The following BANK1 variants were observed in gnomAD, a reference collection of about 807,000 sequenced individuals.
BANK1 encodes the protein B-cell scaffold protein with ankyrin repeats.
Under a neutral mutation model 94.5 loss-of-function variants are expected in BANK1, and 95 were observed. The observed-to-expected ratio is 1.00, with a 90% CI of 0.85 to 1.19. The LOEUF is 1.19. Ranked by LOEUF, BANK1 falls within the 50% of genes most tolerant of loss-of-function variation. BANK1 has a pLI of 0.00. For missense variants in BANK1, 987 were observed against 932.2 expected, an observed-to-expected ratio of 1.06 and a Z score of -0.77; for synonymous variants, 334 against 308.4, an observed-to-expected ratio of 1.08 and a Z score of -0.87.
chr4:101,840,983 C>T lies in BANK1; in HGVS notation c.469+10777C>T, dbSNP rs114802946. On this transcript the variant is annotated intron_variant, in intron 2 of 16. Coordinates refer to ENST00000322953, the MANE Select transcript of BANK1 (RefSeq NM_017935.5). ...CTAGGACCACAGGCATGCGCCGTCACGCCCAGCTAATTTTTTTATTTTTAG... is the reference window on the plus strand; with the variant it reads ...CTAGGACCACAGGCATGCGCCGTCATGCCCAGCTAATTTTTTTATTTTTAG... Among the ~76,000 whole-genome samples, 1,000 of 152,270 alleles carry T rather than the reference C, an allele frequency of 6.6e-3. 16 individuals carry two copies. The highest frequency in any genetic ancestry group is 0.023 in the African/African-American group (946 of 41,546).
chr4:101,972,395 A>G (rs1455218165), intron 7 of BANK1: 2 of 152,054 alleles, frequency 1.3e-5, no homozygotes, highest in South Asian at 2.1e-4. Flanking sequence ...ACTTTACTGT[A>G]TTTGTTTATT....
intron 7 of BANK1, among the ~76,000 whole-genome samples, chr4:101,947,536 T>C (rs1016485111): frequency 3.3e-5 from 5 of 151,590 alleles, no homozygotes; most frequent in Non-Finnish European, 5.9e-5. Flanking sequence ...TCTAATTTAC[T>C]AGATCTCCAG....
intron 2 of BANK1, among the ~76,000 whole-genome samples, chr4:101,843,317 G>T (rs978825524): frequency 1.3e-5 from 2 of 151,958 alleles, no homozygotes; most frequent in South Asian, 2.1e-4. Context: ...ATTCAATGAC[G>T]TAAAATGGTG....
At position 101,872,998 on chromosome 4, in the gene BANK1, G is replaced by GA. The variant is rs992235435; in HGVS notation, c.903+2367dup. ...ATAAGTCTCTGTCTCAAAAACTAAAGAAAAAAAAAAAAAGAAAAGTAAAAA... is the reference window on the plus strand; with the variant it reads ...ATAAGTCTCTGTCTCAAAAACTAAAGAAAAAAAAAAAAAAGAAAAGTAAAAA... On this transcript the variant is annotated intron_variant, in intron 5 of 16. Transcript: ENST00000322953. Among the ~76,000 whole-genome samples, 476 of 106,424 alleles carry GA rather than the reference G, an allele frequency of 4.5e-3. 7 individuals are homozygous for GA. Among genetic ancestry groups the GA allele is most frequent in the African/African-American group, 0.011 (332 of 29,916 alleles). The allele number at this position is 106,424 out of a possible 152,430, so 69.8% of individuals were successfully genotyped here. A position where few individuals can be genotyped will look rare whatever the true frequency, so the allele number is the denominator to read the frequency against.
At chr4:101,901,939 T>C (rs576448748) in intron 6 of BANK1, among the ~76,000 whole-genome samples, 5 of 152,158 alleles carry the variant, frequency 3.3e-5, no homozygotes, top group Admixed American at 2.6e-4. Context: ...TTTTTGTATT[T>C]TTAGTAGAGA....
chr4:102,005,461 A>C (rs1232974442), intron 7 of BANK1, among the ~76,000 whole-genome samples: 2 of 152,104 alleles, frequency 1.3e-5, no homozygotes, highest in African/African-American at 4.8e-5. Context: ...CTAGCAGAAA[A>C]GAGAGATGTA....
At chr4:101,975,576 G>T (rs537417721) in intron 7 of BANK1, among the ~76,000 whole-genome samples, 9 of 152,132 alleles carry the variant, frequency 5.9e-5, no homozygotes, top group Non-Finnish European at 1.0e-4. Context: ...CTGTAAAATG[G>T]CAGTGCTAAT....
intron 7 of BANK1, among the ~76,000 whole-genome samples, chr4:101,927,486 CAAG>C (rs1723203088): frequency 6.6e-6 from 1 of 151,488 alleles, no homozygotes; most frequent in South Asian, 2.1e-4. Flanking sequence ...CCATACAGGG[CAAG>C]AAGGACAGAT....
intron 7 of BANK1, among the ~76,000 whole-genome samples, chr4:101,962,388 C>A (rs1346388404): frequency 6.6e-6 from 1 of 152,150 alleles, no homozygotes; most frequent in African/African-American, 2.4e-5. Flanking sequence ...TATTTCTTTT[C>A]TGTTTTCCCT....
At chr4:101,970,199 G>C (rs530209699) in intron 7 of BANK1, among the ~76,000 whole-genome samples, 1 of 152,234 alleles carries the variant, frequency 6.6e-6, no homozygotes, top group South Asian at 2.1e-4. Flanking sequence ...CCAGAGGACT[G>C]TTGTGAAGAT....
chr4:101,911,753 T>A (rs1387923197), intron 6 of BANK1, among the ~76,000 whole-genome samples: 1 of 152,194 alleles, frequency 6.6e-6, no homozygotes, highest in Non-Finnish European at 1.5e-5. Context: ...TTTGTTCTTC[T>A]TATTCATGGC....
intron 7 of BANK1, among the ~76,000 whole-genome samples, chr4:101,924,248 G>A (rs1193808103): frequency 6.6e-6 from 1 of 151,762 alleles, no homozygotes; most frequent in African/African-American, 2.4e-5. Context: ...CAGTGTGTGA[G>A]ACTGCTTAAA....
chr4:101,877,730 C>T (rs1728541849), intron 5 of BANK1, among the ~76,000 whole-genome samples: 1 of 151,760 alleles, frequency 6.6e-6, no homozygotes. Flanking sequence ...ACTAAAAATA[C>T]AAAAATTAGC....
chr4:102,032,473 TCTTA>T (rs1727353717), intron 10 of BANK1: 2 of 152,262 alleles, frequency 1.3e-5, no homozygotes, highest in East Asian at 1.9e-4. Context: ...TTTCTTTTGT[TCTTA>T]CTTTTCCTTC....
chr4:101,975,805 A>G (rs1019836200), intron 7 of BANK1, among the ~76,000 whole-genome samples: 1 of 152,150 alleles, frequency 6.6e-6, no homozygotes, highest in Non-Finnish European at 1.5e-5. Context: ...GCAAATGATC[A>G]ATCACTTTAT....
At chr4:101,813,668 A>G (rs1455516105) in intron 1 of BANK1, among the ~76,000 whole-genome samples, 3 of 152,214 alleles carry the variant, frequency 2.0e-5, no homozygotes, top group African/African-American at 4.8e-5. Flanking sequence ...CTGCAGCAGA[A>G]CTGAGGATTG....
chr4:101,804,408 G>A (rs1725480956), intron 1 of BANK1, among the ~76,000 whole-genome samples: 2 of 152,130 alleles, frequency 1.3e-5, no homozygotes, highest in African/African-American at 4.8e-5. Context: ...ACATATTACA[G>A]TACAAAGAGA....
intron 7 of BANK1, among the ~76,000 whole-genome samples, chr4:101,928,841 A>G (rs1723248294): frequency 6.6e-6 from 1 of 151,256 alleles, no homozygotes; most frequent in African/African-American, 2.4e-5. Context: ...ACATTTGTTC[A>G]CGGCCCATTA....
Position 101,893,445 on chromosome 4 carries a change from T to A in BANK1, c.904-1860T>A, listed in dbSNP as rs372898358. Among the ~76,000 whole-genome samples, 9 of 152,192 alleles carry A rather than the reference T, an allele frequency of 5.9e-5. No individual in the cohort carries two copies. In the East Asian group the frequency reaches 1.7e-3, roughly 29 times the overall value. On this transcript the variant is annotated intron_variant, in intron 5 of 16. Transcript: ENST00000322953. ...CGATGGAGCTCCTCATGTAAAAATGTCAATGGCTAGATAATATGCTATACA... is the reference window on the plus strand; with the variant it reads ...CGATGGAGCTCCTCATGTAAAAATGACAATGGCTAGATAATATGCTATACA...
Sources: gnomAD v4.1 joint callset for allele counts (sites outside exome capture counted in the v4.1 genomes callset) on GRCh38, gnomAD v4.1.1 for gene constraint, MANE v1.5 for transcripts, NCBI Gene and HGNC (gene_info 2026-07-23, HGNC 2026-07-21) for gene names.